GMDS: variants seen among roughly 807,000 people sequenced by gnomAD.
The protein encoded by GMDS is GDP-mannose 4,6-dehydratase.
A neutral mutation model predicts 49.9 loss-of-function variants in GMDS; 20 were observed. The ratio of observed to expected loss-of-function variants is 0.40; its 90% CI spans 0.28 to 0.58. The LOEUF (loss-of-function observed/expected upper bound fraction) is 0.58. GMDS is among the 20% of genes least tolerant of loss of function. The pLI is 0.42. For synonymous variants in GMDS, 177 were observed against 178.6 expected, an observed-to-expected ratio of 0.99 and a Z score of 0.07; for missense variants, 362 against 481.4, an observed-to-expected ratio of 0.75 and a Z score of 2.32.
intron 4 of GMDS, among the ~76,000 whole-genome samples, chr6:2,110,308 T>A (rs1189149864): frequency 6.9e-6 from 1 of 145,590 alleles, no homozygotes; most frequent in Non-Finnish European, 1.5e-5. Context: ...GGTCAGCTAT[T>A]AAGGTACGGA....
chr6:1,630,774 C>T lies in GMDS; in HGVS notation c.988-6234G>A, dbSNP rs532809797. On this transcript the variant is annotated intron_variant, in intron 9 of 10. Coordinates refer to ENST00000380815, the MANE Select transcript of GMDS (RefSeq NM_001500.4). ...TTTTTGTCAGCTTTATTTCTTGATC[C>T]GGTGCTTACAGTAGCATCAGCCTGG... 6.6e-5 allele frequency among the ~76,000 whole-genome samples: 10 copies of T among 152,198 alleles called. No homozygotes were observed. In the East Asian group the frequency reaches 1.2e-3, roughly 18 times the overall value.
intron 4 of GMDS, among the ~76,000 whole-genome samples, chr6:2,013,895 A>G (rs1767719283): frequency 6.8e-6 from 1 of 146,102 alleles, no homozygotes; most frequent in Non-Finnish European, 1.5e-5. Context: ...AAGTCAAGGA[A>G]GCTCAGAGAA....
In GMDS at chr6:2,191,315, G is replaced by T. The variant is rs1002393662; in HGVS notation, c.102+54006C>A. 6.6e-6 allele frequency among the ~76,000 whole-genome samples: 1 copy of T among 152,116 alleles called. No homozygotes were observed. The highest frequency in any genetic ancestry group is 6.5e-5 in the Admixed American group (1 of 15,282). On this transcript the variant is annotated intron_variant, in intron 1 of 10. Coordinates refer to ENST00000380815, the MANE Select transcript of GMDS (RefSeq NM_001500.4). This position sits in a 1 kb window ranked among gnomAD's most constrained non-coding sequence, Gnocchi z 4.6. Reference sequence around the variant, plus strand: ...CTGCCCCTGAGTGCGGGGGCCACGGGGGAGCTCACAGTGATGTCCCTGGAC... The same window carrying T: ...CTGCCCCTGAGTGCGGGGGCCACGGTGGAGCTCACAGTGATGTCCCTGGAC...
intron 1 of GMDS, among the ~76,000 whole-genome samples, chr6:2,176,501 G>T (rs1365569254): frequency 2.0e-5 from 3 of 152,128 alleles, no homozygotes; most frequent in Non-Finnish European, 4.4e-5. Flanking sequence ...ACTTAACTTG[G>T]AGGAAATTCG....
At chr6:2,067,080 CAATCAA>C in intron 4 of GMDS, among the ~76,000 whole-genome samples, 1 of 151,564 alleles carries the variant, frequency 6.6e-6, no homozygotes, top group East Asian at 1.9e-4. Flanking sequence ...GACCACAGTG[CAATCAA>C]ATTAGAACTC....
chr6:1,772,394 C>T (rs537830650), intron 7 of GMDS, among the ~76,000 whole-genome samples: 1 of 152,304 alleles, frequency 6.6e-6, no homozygotes, highest in South Asian at 2.1e-4. Flanking sequence ...TGGCATACCC[C>T]CTCCATTTGA....
intron 4 of GMDS, among the ~76,000 whole-genome samples, chr6:2,011,794 T>C (rs530986922): frequency 6.6e-6 from 1 of 152,190 alleles, no homozygotes; most frequent in Non-Finnish European, 1.5e-5. Context: ...TGGTCGCGCA[T>C]TACCTATAGT....
intron 1 of GMDS, among the ~76,000 whole-genome samples, chr6:2,139,298 A>T (rs940158961): frequency 3.9e-5 from 6 of 152,256 alleles, no homozygotes; most frequent in African/African-American, 7.2e-5. Flanking sequence ...TTTAATAAAT[A>T]CTATAAAGTG....
chr6:1,765,568 A>C (rs1398370809), intron 7 of GMDS, among the ~76,000 whole-genome samples: 1 of 152,178 alleles, frequency 6.6e-6, no homozygotes, highest in African/African-American at 2.4e-5. Flanking sequence ...CATTCATTTC[A>C]TTGTCTAATT....
At chr6:1,761,796 T>C (rs1418823988) in intron 7 of GMDS, among the ~76,000 whole-genome samples, 2 of 152,132 alleles carry the variant, frequency 1.3e-5, no homozygotes, top group African/African-American at 2.4e-5. Flanking sequence ...TCGCTCACAA[T>C]GAAAAGCAAG....
intron 6 of GMDS, among the ~76,000 whole-genome samples, chr6:1,948,073 A>G (rs1049548020): frequency 3.9e-5 from 6 of 152,316 alleles, no homozygotes; most frequent in Non-Finnish European, 7.4e-5. Flanking sequence ...TTTAATGCTT[A>G]TAACAACCTT....
Position 1,682,770 on chromosome 6 carries a change from C to T in GMDS, c.987+43646G>A, listed in dbSNP as rs1448765532. On this transcript the variant is annotated intron_variant, in intron 9 of 10. Transcript: ENST00000380815. ...ATTTTTAGTAGAGACGGGGTTTCACCGTTTTAGCCGGGATGGTCTCGATCT... is the reference window on the plus strand; with the variant it reads ...ATTTTTAGTAGAGACGGGGTTTCACTGTTTTAGCCGGGATGGTCTCGATCT... Among the ~76,000 whole-genome samples, 2 of 5,128 alleles carry T rather than the reference C, an allele frequency of 3.9e-4. 1 individual carries two copies. The highest frequency in any genetic ancestry group is 1.4e-3 in the African/African-American group (2 of 1,422). The allele number at this position is 5,128 out of a possible 152,430, so 3.4% of individuals were successfully genotyped here. A position where few individuals can be genotyped will look rare whatever the true frequency, so the allele number is the denominator to read the frequency against.
chr6:2,113,039 A>G (rs2127497084), intron 4 of GMDS, among the ~76,000 whole-genome samples: 1 of 152,338 alleles, frequency 6.6e-6, no homozygotes, highest in East Asian at 1.9e-4. Flanking sequence ...AACTCACAGC[A>G]TATTTGAAGC....
chr6:1,658,850 A>G (rs1434392944), intron 9 of GMDS, among the ~76,000 whole-genome samples: 1 of 152,232 alleles, frequency 6.6e-6, no homozygotes, highest in African/African-American at 2.4e-5. Flanking sequence ...ACAAACATCC[A>G]GGGAGCAATG....
At chr6:1,628,878 A>G (rs1762918871) in intron 9 of GMDS, among the ~76,000 whole-genome samples, 1 of 152,204 alleles carries the variant, frequency 6.6e-6, no homozygotes. Flanking sequence ...TACTTTTCTT[A>G]GAAAAGCAAA....
intron 7 of GMDS, among the ~76,000 whole-genome samples, chr6:1,834,612 C>T (rs1420196377): frequency 6.6e-6 from 1 of 152,166 alleles, no homozygotes; most frequent in Non-Finnish European, 1.5e-5. Context: ...CAAGATTACT[C>T]TGTTCTTAAA....
chr6:2,211,335 A>G (rs150201012), intron 1 of GMDS, among the ~76,000 whole-genome samples: 9 of 152,338 alleles, frequency 5.9e-5, no homozygotes, highest in East Asian at 3.9e-4. Context: ...CCACCTGAAC[A>G]TAGTGGGTGT....
chr6:2,061,505 C>T (rs1204744953), intron 4 of GMDS, among the ~76,000 whole-genome samples: 1 of 151,936 alleles, frequency 6.6e-6, no homozygotes, highest in African/African-American at 2.4e-5. Context: ...TCACTTGAGG[C>T]CAGGACTTGG....
intron 7 of GMDS, among the ~76,000 whole-genome samples, chr6:1,892,118 A>T (rs1256771262): frequency 6.6e-6 from 1 of 152,188 alleles, no homozygotes; most frequent in Admixed American, 6.5e-5. Flanking sequence ...AACATAGTAG[A>T]GATGTAAGTA....
Sources: allele counts gnomAD v4.1 joint callset (sites outside exome capture counted in the v4.1 genomes callset), GRCh38; gene constraint gnomAD v4.1.1; non-coding constraint Gnocchi (gnomAD v3.1); transcripts MANE v1.5; gene names NCBI Gene and HGNC (gene_info 2026-07-23, HGNC 2026-07-21).